Variants in HYAL4 observed in about 807,000 individuals in gnomAD.
HYAL4 encodes the protein hyaluronidase 4.
Under a neutral mutation model 35.2 loss-of-function variants are expected in HYAL4, and 37 were observed. The ratio of observed to expected loss-of-function variants is 1.05; its 90% CI spans 0.81 to 1.38. The LOEUF is 1.38. Ranked by LOEUF, HYAL4 falls within the 40% of genes most tolerant of loss-of-function variation. HYAL4 has a pLI of 0.00. For missense variants in HYAL4, 572 were observed against 572.4 expected (o/e 1.00, Z 0.01); for synonymous variants, 198 against 203.2 (o/e 0.97, Z 0.22).
the HYAL4 span, among the ~76,000 whole-genome samples, chr7:123,791,088 C>CAG: frequency 1.3e-5 from 2 of 151,990 alleles, no homozygotes; most frequent in Non-Finnish European, 2.9e-5. Flanking sequence ...GTATTTTTTT[C>CAG]GAAGAATAAA....
At chr7:123,861,000 T>C (rs1806564722) in intron 2 of HYAL4, among the ~76,000 whole-genome samples, 1 of 152,218 alleles carries the variant, frequency 6.6e-6, no homozygotes, top group Non-Finnish European at 1.5e-5. Flanking sequence ...AATTAAGCCA[T>C]GTTTACCAGA....
the HYAL4 span, among the ~76,000 whole-genome samples, chr7:123,794,066 A>T: frequency 6.6e-6 from 1 of 152,204 alleles, no homozygotes; most frequent in Non-Finnish European, 1.5e-5. Flanking sequence ...GTCCAGGCTG[A>T]GGTGGTCTCA....
intron 1 of HYAL4, among the ~76,000 whole-genome samples, chr7:123,838,240 CTT>C (rs61344294): frequency 7.7e-5 from 10 of 129,480 alleles, no homozygotes; most frequent in Admixed American, 1.6e-4. Flanking sequence ...TTTACAGAGC[CTT>C]TTTTTTTTTT....
chr7:123,803,393 G>A, the HYAL4 span, among the ~76,000 whole-genome samples: 1 of 152,170 alleles, frequency 6.6e-6, no homozygotes, highest in Non-Finnish European at 1.5e-5. Flanking sequence ...CCCCTTCAAT[G>A]TTTTAATACT....
chr7:123,822,193 G>A, the HYAL4 span, among the ~76,000 whole-genome samples: 1 of 152,046 alleles, frequency 6.6e-6, no homozygotes, highest in Admixed American at 6.6e-5. Context: ...ATGCCATTGG[G>A]ATTTTGATGG....
chr7:123,868,988 G>A lies in HYAL4; in HGVS notation c.715G>A (p.Glu239Lys), dbSNP rs773300545. Residue 239 changes from glutamate to lysine, a missense_variant, in exon 3 of 5, where the codon GAA becomes AAA. Glu to Lys is a moderately conservative substitution (Grantham distance 56, BLOSUM62 1). Transcript: ENST00000223026. ...YAPNYSGSCPEDEVLRNNELS... is the reference protein window; with the variant it reads ...YAPNYSGSCPKDEVLRNNELS... ...CCCAAACTACTCTGGGTCATGCCCA[G>A]AAGACGAAGTCTTGAGGAACAATGA... 7 of 1,613,736 alleles carry A rather than the reference G, an allele frequency of 4.3e-6. No individual in the cohort carries two copies. Among genetic ancestry groups the A allele is most frequent in the African/African-American group, 4.0e-5 (3 of 74,894 alleles).
At chr7:123,850,112 T>A (rs1806269512) in intron 2 of HYAL4, among the ~76,000 whole-genome samples, 1 of 152,266 alleles carries the variant, frequency 6.6e-6, no homozygotes. Flanking sequence ...CTTATTGTAC[T>A]GATAAATGCA....
chr7:123,840,554 T>A (rs565716454), upstream of HYAL4, among the ~76,000 whole-genome samples: 2 of 152,198 alleles, frequency 1.3e-5, no homozygotes, highest in South Asian at 4.1e-4. Flanking sequence ...GGGGATGGCA[T>A]TGAATCTATA....
At position 123,876,908 on chromosome 7, in the gene HYAL4, T is replaced by C; in HGVS notation, c.1199T>C (p.Leu400Ser). 6.2e-7 allele frequency: 1 copy of C among 1,614,160 alleles called. No individual in the cohort carries two copies. Among genetic ancestry groups the C allele is most frequent in the South Asian group, 1.1e-5 (1 of 91,084 alleles). ...TGGAACGCGCCCAGTTACCTTCACT[T>C]GAACCCTGCAAGTTACCACATAGAG... The part of the protein sequence containing the change: ...KMWNAPSYLH[L>S]NPASYHIEAS... The change falls in exon 5 of 5, where the codon TTG (leucine) becomes TCG (serine). Residue 400 changes from leucine (L) to serine (S), a missense_variant. Leu to Ser is a moderately radical substitution (Grantham distance 145). Transcript: ENST00000223026.
Position 123,868,853 on chromosome 7 carries a change from A to T in HYAL4, c.580A>T (p.Ser194Cys), listed in dbSNP as rs756590366. The change falls in exon 3 of 5, where the codon AGT becomes TGT. Residue 194 changes from serine (S) to cysteine (C), a missense_variant. Ser to Cys is a moderately radical substitution (Grantham distance 112). Coordinates refer to ENST00000223026, the MANE Select transcript of HYAL4 (RefSeq NM_012269.3). ...EYLAKVTFEE[S>C]AKAFMKETIK... is the part of the protein sequence containing the mutation. ...TTTAGCCAAAGTGACCTTTGAAGAA[A>T]GTGCAAAAGCTTTCATGAAGGAAAC... is the stretch of plus-strand genomic sequence containing the variant. 1 of 1,614,222 alleles carries T rather than the reference A, an allele frequency of 6.2e-7. No homozygotes were observed. Among genetic ancestry groups the T allele is most frequent in the Non-Finnish European group, 8.5e-7 (1 of 1,180,036 alleles).
intron 2 of HYAL4, among the ~76,000 whole-genome samples, chr7:123,848,704 A>G (rs73226115): frequency 0.13 from 19,328 of 152,248 alleles, 1,681 homozygotes; most frequent in Middle Eastern, 0.24. Context: ...CAAAGATTTT[A>G]CTTTTGCACC....
chr7:123,847,140 A>G (rs938000085), intron 1 of HYAL4, among the ~76,000 whole-genome samples: 2 of 152,178 alleles, frequency 1.3e-5, no homozygotes, highest in Non-Finnish European at 2.9e-5. Context: ...TGAGAGCTGC[A>G]GTCTAGTCCT....
chr7:123,836,928 T>C (rs1225233935), intron 1 of HYAL4, among the ~76,000 whole-genome samples: 2 of 151,802 alleles, frequency 1.3e-5, no homozygotes, highest in African/African-American at 4.8e-5. Context: ...CTCAGGGGAC[T>C]GAGACAGGAG....
chr7:123,784,594 G>T, the HYAL4 span, among the ~76,000 whole-genome samples: 1 of 152,130 alleles, frequency 6.6e-6, no homozygotes, highest in Non-Finnish European at 1.5e-5. Context: ...TGATTACCAG[G>T]GAATTACTTT....
chr7:123,863,658 CCTT>C (rs985289839), intron 2 of HYAL4, among the ~76,000 whole-genome samples: 3 of 152,162 alleles, frequency 2.0e-5, no homozygotes, highest in Non-Finnish European at 4.4e-5. Context: ...TGCACAGTGA[CCTT>C]CTTTTCTGAT....
intron 2 of HYAL4, among the ~76,000 whole-genome samples, chr7:123,864,106 G>T (rs1350652207): frequency 6.6e-6 from 1 of 152,074 alleles, no homozygotes; most frequent in Non-Finnish European, 1.5e-5. Flanking sequence ...TTTGTCTCTG[G>T]TCAGGGTAAG....
At chr7:123,797,042 A>G in the HYAL4 span, among the ~76,000 whole-genome samples, 1 of 152,248 alleles carries the variant, frequency 6.6e-6, no homozygotes, top group Non-Finnish European at 1.5e-5. Context: ...TTTCTTGATC[A>G]CAGAAGCCTA....
chr7:123,867,567 A>G lies in HYAL4; in HGVS notation c.-51-656A>G, dbSNP rs1330536522. Among the ~76,000 whole-genome samples the G allele has an allele frequency of 2.6e-5, 4 of 152,154 alleles. No individual in the cohort carries two copies. In the South Asian group the frequency reaches 6.2e-4, roughly 24 times the overall value. On this transcript the variant is annotated intron_variant, in intron 2 of 4. Transcript: ENST00000223026. ...GGAGGGTCAATTTCTAAGTTTATTC[A>G]GAAGAAACCCAAAACATCTATTCTT...
chr7:123,766,763 A>G, the HYAL4 span, among the ~76,000 whole-genome samples: 1 of 152,280 alleles, frequency 6.6e-6, no homozygotes, highest in South Asian at 2.1e-4. Flanking sequence ...AGAAATATTG[A>G]CATAATTTTT....
Sources: gnomAD v4.1 joint callset for allele counts (sites outside exome capture counted in the v4.1 genomes callset) on GRCh38, gnomAD v4.1.1 for gene constraint, MANE v1.5 for transcripts, NCBI Gene and HGNC (gene_info 2026-07-23, HGNC 2026-07-21) for gene names.